Variants in GRIK1 observed in about 807,000 individuals in gnomAD.
GRIK1 encodes the protein glutamate receptor ionotropic, kainate 1.
GRIK1 carries 69 observed loss-of-function variants against 105.7 expected under a neutral mutation model. The observed-to-expected ratio is 0.65, with a 90% CI of 0.54 to 0.80. The LOEUF is 0.80. Ranked by LOEUF, GRIK1 falls within the 30% of genes least tolerant of loss-of-function variation. The pLI, the probability that GRIK1 is intolerant of heterozygous loss-of-function variation, is 0.00. For synonymous variants in GRIK1, 438 were observed against 431.3 expected (o/e 1.02, Z -0.19); for missense variants, 1,109 against 1,167.3 (o/e 0.95, Z 0.73).
chr21:29,820,266 C>T (rs1009871662), intron 1 of GRIK1, among the ~76,000 whole-genome samples: 1 of 152,032 alleles, frequency 6.6e-6, no homozygotes, highest in Non-Finnish European at 1.5e-5. Context: ...TAGATTTTCA[C>T]CCTCATCATT....
intron 1 of GRIK1, among the ~76,000 whole-genome samples, chr21:29,809,170 A>G (rs1236977039): frequency 1.3e-5 from 2 of 152,204 alleles, no homozygotes; most frequent in Non-Finnish European, 2.9e-5. Context: ...TTTAAAAGCA[A>G]TGATGCTGCT....
intron 1 of GRIK1, among the ~76,000 whole-genome samples, chr21:29,844,423 G>A (rs1003565648): frequency 3.9e-5 from 6 of 152,084 alleles, no homozygotes; most frequent in Non-Finnish European, 7.4e-5. Flanking sequence ...CTGCTGATTT[G>A]TCTTATACTT....
chr21:29,855,968 G>T (rs547311214), intron 1 of GRIK1, among the ~76,000 whole-genome samples: 1 of 152,120 alleles, frequency 6.6e-6, no homozygotes. Context: ...GACTGGAATT[G>T]GGGGGAAACA....
In GRIK1 at chr21:29,614,985, T is replaced by C. The variant is rs1468731735; in HGVS notation, c.1099-16048A>G. Among the ~76,000 whole-genome samples, 6 of 151,740 alleles carry C rather than the reference T, an allele frequency of 4.0e-5. No homozygotes were observed. The East Asian group carries it at 9.6e-4, about 24-fold the overall frequency. Reference sequence around the variant, plus strand: ...GATGGGTATCTCTTGTGTACACTAATATATCCCAACAAATAAGGACGGTTC... The same window carrying C: ...GATGGGTATCTCTTGTGTACACTAACATATCCCAACAAATAAGGACGGTTC... On this transcript the variant is annotated intron_variant, in intron 7 of 17. Transcript: ENST00000327783.
rs756472503 is a variant in GRIK1, at chr21:29,642,936, T to G, written c.988A>C (p.Met330Leu). Residue 330 changes from methionine (M) to leucine (L), a missense_variant, in exon 7 of 18, where the codon ATG becomes CTG. Met to Leu is a conservative substitution (Grantham distance 15). Around this residue, in one of 5 missense-constraint regions of GRIK1, gnomAD observed 612 missense variants for 586.0 expected, o/e 1.04. Coordinates refer to ENST00000327783, the MANE Select transcript of GRIK1 (RefSeq NM_001330994.2). Reference protein sequence around the residue: ...EAALMYDAVYMVAIASHRASQ... With the variant: ...EAALMYDAVYLVAIASHRASQ... Reference sequence around the variant, plus strand: ...GCCCGGTGCGAGGCAATGGCCACCATGTACACAGCATCGTACATCAGAGCC... The same window carrying G: ...GCCCGGTGCGAGGCAATGGCCACCAGGTACACAGCATCGTACATCAGAGCC... 53 of 1,613,984 alleles carry G rather than the reference T, an allele frequency of 3.3e-5. No individual in the cohort carries two copies. Among genetic ancestry groups the G allele is most frequent in the Non-Finnish European group, 3.4e-5 (40 of 1,179,948 alleles).
At chr21:29,935,502 T>C (rs939570716) in intron 1 of GRIK1, among the ~76,000 whole-genome samples, 2 of 152,210 alleles carry the variant, frequency 1.3e-5, no homozygotes, top group Non-Finnish European at 1.5e-5. Flanking sequence ...TACACACTTA[T>C]GTAAAAATAT....
chr21:29,638,005 A>G (rs1444694814), intron 7 of GRIK1, among the ~76,000 whole-genome samples: 2 of 152,160 alleles, frequency 1.3e-5, no homozygotes, highest in African/African-American at 2.4e-5. Context: ...CTAGACTCCA[A>G]TAATAATAAT....
intron 7 of GRIK1, among the ~76,000 whole-genome samples, chr21:29,610,178 T>A (rs934553372): frequency 6.6e-6 from 1 of 152,160 alleles, no homozygotes; most frequent in African/African-American, 2.4e-5. Context: ...CACCAAAATG[T>A]CTAGGTGCTA....
At chr21:29,901,875 T>G (rs1160890520) in intron 1 of GRIK1, among the ~76,000 whole-genome samples, 1 of 151,790 alleles carries the variant, frequency 6.6e-6, no homozygotes, top group Non-Finnish European at 1.5e-5. Context: ...ATAACCCTGA[T>G]GAACATCGAT....
At chr21:29,668,346 T>C (rs1314246494) in intron 4 of GRIK1, among the ~76,000 whole-genome samples, 1 of 152,200 alleles carries the variant, frequency 6.6e-6, no homozygotes, top group Non-Finnish European at 1.5e-5. Context: ...CTTCCTCTCT[T>C]TTATCTCTTA....
At chr21:29,652,760 C>T (rs766901357) in intron 5 of GRIK1, among the ~76,000 whole-genome samples, 3 of 152,168 alleles carry the variant, frequency 2.0e-5, no homozygotes, top group Non-Finnish European at 2.9e-5. Flanking sequence ...ATAAAAGTTT[C>T]TTAACAATGC....
intron 12 of GRIK1, among the ~76,000 whole-genome samples, chr21:29,582,507 G>C (rs2091044528): frequency 6.6e-6 from 1 of 152,116 alleles, no homozygotes; most frequent in East Asian, 1.9e-4. Context: ...TTCCTTATTT[G>C]TGAAGAGGAG....
At chr21:29,647,068 A>G (rs903055873) in intron 6 of GRIK1, among the ~76,000 whole-genome samples, 1 of 151,800 alleles carries the variant, frequency 6.6e-6, no homozygotes, top group Non-Finnish European at 1.5e-5. Flanking sequence ...CTGGTCTCGA[A>G]CTCCTGACCT....
chr21:29,636,458 C>T (rs956277751), intron 7 of GRIK1, among the ~76,000 whole-genome samples: 18 of 152,106 alleles, frequency 1.2e-4, no homozygotes, highest in Non-Finnish European at 2.2e-4. Context: ...GTTGCATTGT[C>T]GTTATCTGAC....
At chr21:29,915,368 G>A (rs1026642015) in intron 1 of GRIK1, among the ~76,000 whole-genome samples, 18 of 151,854 alleles carry the variant, frequency 1.2e-4, no homozygotes, top group Admixed American at 2.0e-4. Flanking sequence ...ACTATCTAGC[G>A]GTTAAATTTA....
intron 1 of GRIK1, among the ~76,000 whole-genome samples, chr21:29,813,917 T>A (rs923062655): frequency 4.1e-5 from 6 of 147,426 alleles, no homozygotes; most frequent in African/African-American, 1.5e-4. Flanking sequence ...AACATTCTTT[T>A]TTTTTTTTTT....
chr21:29,754,923 G>A (rs1421405792), intron 1 of GRIK1, among the ~76,000 whole-genome samples: 1 of 152,054 alleles, frequency 6.6e-6, no homozygotes, highest in African/African-American at 2.4e-5. Context: ...CAGTCATGTA[G>A]GCCAATTCTT....
chr21:29,871,034 G>A (rs1002230427), intron 1 of GRIK1, among the ~76,000 whole-genome samples: 3 of 152,134 alleles, frequency 2.0e-5, no homozygotes, highest in African/African-American at 7.2e-5. Context: ...CTGCCTGAAA[G>A]CACTTCTACC....
intron 1 of GRIK1, among the ~76,000 whole-genome samples, chr21:29,877,860 C>A (rs1163489114): frequency 6.6e-6 from 1 of 152,108 alleles, no homozygotes; most frequent in African/African-American, 2.4e-5. Flanking sequence ...GAGAAAGTCA[C>A]CTTCTCCATG....
Sources: allele counts gnomAD v4.1 joint callset (sites outside exome capture counted in the v4.1 genomes callset), GRCh38; gene constraint gnomAD v4.1.1; regional missense constraint gnomAD v4.1.1; transcripts MANE v1.5; gene names NCBI Gene and HGNC (gene_info 2026-07-23, HGNC 2026-07-21).